Variants in RP1 observed in about 807,000 individuals in gnomAD.
RP1 encodes RP1 axonemal microtubule associated.
Under a neutral mutation model 14.8 loss-of-function variants are expected in RP1, and 16 were observed. That is an observed-to-expected ratio of 1.08 (90% CI 0.73 to 1.65). The LOEUF is 1.65. Ranked by LOEUF, RP1 falls within the 40% of genes most tolerant of loss-of-function variation. The probability of loss-of-function intolerance (pLI) is 0.00; values close to 1 mark genes in which losing one functional copy is unlikely to be tolerated. For missense variants in RP1, 2,631 were observed against 2,535.0 expected (o/e 1.04, Z -0.81); for synonymous variants, 876 against 883.6 (o/e 0.99, Z 0.15).
chr8:54,810,956 G>C (rs1810977363), intron 24 of RP1, among the ~76,000 whole-genome samples: 1 of 152,210 alleles, frequency 6.6e-6, no homozygotes, highest in African/African-American at 2.4e-5. Context: ...CACACATACA[G>C]AGGGCCAAAC....
intron 28 of RP1, among the ~76,000 whole-genome samples, chr8:54,868,564 G>A (rs1812511470): frequency 6.6e-6 from 1 of 152,166 alleles, no homozygotes; most frequent in Non-Finnish European, 1.5e-5. Context: ...TAGTCAGAAA[G>A]CAGGGGCTCT....
chr8:54,728,127 T>A (rs767337717), intron 17 of RP1, among the ~76,000 whole-genome samples: 13 of 152,126 alleles, frequency 8.5e-5, no homozygotes, highest in Non-Finnish European at 1.9e-4. Flanking sequence ...TTTTGCCTTC[T>A]CTGATTGCAG....
intron 19 of RP1, among the ~76,000 whole-genome samples, chr8:54,750,165 C>A (rs1371641671): frequency 6.6e-6 from 1 of 152,102 alleles, no homozygotes; most frequent in Non-Finnish European, 1.5e-5. Flanking sequence ...AGTGAGGAAC[C>A]ACAATCCCAA....
chr8:54,838,620 T>C (rs1044583059), intron 25 of RP1, among the ~76,000 whole-genome samples: 2 of 152,234 alleles, frequency 1.3e-5, no homozygotes, highest in Non-Finnish European at 2.9e-5. Context: ...TATATGTGTA[T>C]GAGTGTGTGC....
intron 1 of RP1, among the ~76,000 whole-genome samples, chr8:54,574,804 G>T (rs761612659): frequency 3.3e-5 from 5 of 152,010 alleles, no homozygotes; most frequent in Non-Finnish European, 7.4e-5. Flanking sequence ...TCTGTGTTGG[G>T]TTACCTAGGA....
intron 24 of RP1, among the ~76,000 whole-genome samples, chr8:54,794,708 C>A: frequency 6.6e-6 from 1 of 151,826 alleles, no homozygotes; most frequent in Non-Finnish European, 1.5e-5. Flanking sequence ...ACAGGCAACA[C>A]AAGCAAAAAT....
downstream of RP1, among the ~76,000 whole-genome samples, chr8:54,633,749 A>ATATATATATG (rs1806297422): frequency 6.8e-6 from 1 of 147,038 alleles, no homozygotes. Flanking sequence ...ATATATATAT[A>ATATATATATG]TATATATATA....
rs1413519778 is a variant in RP1 at position 54,626,511 on chromosome 8, G to A, written c.2629G>A (p.Val877Met). 6.2e-7 allele frequency: 1 copy of A among 1,613,752 alleles called. No individual in the cohort carries two copies. The highest frequency in any genetic ancestry group is 1.7e-5 in the Admixed American group (1 of 60,006). The change falls in exon 4 of 4, where the codon GTG becomes ATG. Residue 877 changes from valine to methionine, a missense_variant. Transcript: ENST00000220676. ...KSQKKRKGDK[V>M]KASAILSKQH... ...CCAGAAAAAACGTAAAGGGGATAAA[G>A]TGAAAGCAAGTGCTATTTTAAGTAA...
chr8:54,778,565 C>T (rs1049898782), intron 23 of RP1, among the ~76,000 whole-genome samples: 21 of 152,078 alleles, frequency 1.4e-4, no homozygotes, highest in Admixed American at 5.2e-4. Flanking sequence ...CCTTGTGATC[C>T]GCCCACCTCG....
intron 24 of RP1, among the ~76,000 whole-genome samples, chr8:54,807,242 A>G (rs1327277391): frequency 6.6e-6 from 1 of 152,234 alleles, no homozygotes; most frequent in Non-Finnish European, 1.5e-5. Flanking sequence ...TGTTTGAACT[A>G]GAGACTGAAG....
intron 6 of RP1, among the ~76,000 whole-genome samples, chr8:54,656,659 A>G (rs1399493378): frequency 6.6e-6 from 1 of 151,674 alleles, no homozygotes; most frequent in Non-Finnish European, 1.5e-5. Context: ...AGATGTGTTC[A>G]AGCCTTGTGT....
intron 1 of RP1, among the ~76,000 whole-genome samples, chr8:54,570,388 G>A (rs971802660): frequency 6.6e-6 from 1 of 151,660 alleles, no homozygotes; most frequent in Non-Finnish European, 1.5e-5. Context: ...GAGTGCAGTG[G>A]TGTGATCTCG....
intron 7 of RP1, among the ~76,000 whole-genome samples, chr8:54,671,681 T>C (rs1277603938): frequency 2.6e-5 from 4 of 152,146 alleles, no homozygotes; most frequent in Non-Finnish European, 5.9e-5. Flanking sequence ...TTTTGTTCTT[T>C]CTTATAGTTT....
At chr8:54,734,755 C>G (rs1170047887) in intron 18 of RP1, 10 of 1,520,702 alleles carry the variant, frequency 6.6e-6, no homozygotes, top group Non-Finnish European at 7.9e-6. Context: ...GTAAACAACA[C>G]TGGCAGTAAT....
intron 24 of RP1, among the ~76,000 whole-genome samples, chr8:54,787,661 G>T (rs1385220446): frequency 1.3e-5 from 2 of 152,144 alleles, no homozygotes; most frequent in Admixed American, 1.3e-4. Flanking sequence ...TTCACTCCTA[G>T]AAAGTTGCTT....
intron 26 of RP1, among the ~76,000 whole-genome samples, chr8:54,853,756 GAGAGAAAGAAAGAGAAAGGAAGGA>G (rs574326992): frequency 7.2e-6 from 1 of 138,914 alleles, no homozygotes; most frequent in Non-Finnish European, 1.6e-5. Flanking sequence ...AAGAAAGAGA[GAGAGAAAGAAAGAGAAAGGAAGGA>G]AGAGAAAGAA....
intron 24 of RP1, among the ~76,000 whole-genome samples, chr8:54,834,023 A>C (rs1811600660): frequency 6.6e-6 from 1 of 152,094 alleles, no homozygotes; most frequent in African/African-American, 2.4e-5. Context: ...TTTTGTGTAA[A>C]TACTAAGGGT....
chr8:54,680,002 C>A, intron 12 of RP1: 1 of 1,480,256 alleles, frequency 6.8e-7, no homozygotes, highest in Non-Finnish European at 8.9e-7. Context: ...GATTTCTAGA[C>A]ACAGTTTAAT....
At chr8:54,669,955 C>T (rs149193591) in intron 7 of RP1, among the ~76,000 whole-genome samples, 4,462 of 152,064 alleles carry the variant, frequency 0.029, 127 homozygotes, top group African/African-American at 0.066. Context: ...TGCAGCAAAC[C>T]AACATGGCAC....
Sources: gnomAD v4.1 joint callset for allele counts (sites outside exome capture counted in the v4.1 genomes callset) on GRCh38, gnomAD v4.1.1 for gene constraint, MANE v1.5 for transcripts, NCBI Gene and HGNC (gene_info 2026-07-23, HGNC 2026-07-21) for gene names.